The following SRBD1 variants were observed in gnomAD, a reference collection of about 807,000 sequenced individuals.
SRBD1 encodes the protein S1 RNA-binding domain-containing protein 1.
SRBD1 carries 88 observed loss-of-function variants against 115.3 expected under a neutral mutation model. The ratio of observed to expected loss-of-function variants is 0.76; its 90% CI spans 0.64 to 0.91. SRBD1 has a LOEUF of 0.91. Ranked by LOEUF, SRBD1 falls within the 40% of genes least tolerant of loss-of-function variation. SRBD1 has a pLI of 0.00. For synonymous variants in SRBD1, 509 were observed against 407.7 expected (o/e 1.25, Z -2.99); for missense variants, 1,385 against 1,177.4 (o/e 1.18, Z -2.58).
At chr2:45,464,136 G>A (rs942340810) in intron 16 of SRBD1, among the ~76,000 whole-genome samples, 4 of 151,350 alleles carry the variant, frequency 2.6e-5, no homozygotes, top group Non-Finnish European at 5.9e-5. Context: ...AAGAAATGGA[G>A]ATGTATGCTA....
intron 14 of SRBD1, 86 bp from the exon 15 acceptor site, chr2:45,488,417 G>GA (rs67396287): frequency 0.15 from 121,467 of 801,520 alleles, 2,215 homozygotes; most frequent in South Asian, 0.18. Context: ...GGCATTACCA[G>GA]AAAAAAAAAA....
At chr2:45,419,974 G>C in intron 16 of SRBD1, 80 bp from the exon 17 acceptor site, 2 of 1,253,358 alleles carry the variant, frequency 1.6e-6, no homozygotes, top group Non-Finnish European at 2.3e-6. Flanking sequence ...TATATTACTG[G>C]TGGTTAGCTA....
At chr2:45,434,811 T>C (rs2103686607) in intron 16 of SRBD1, among the ~76,000 whole-genome samples, 1 of 152,160 alleles carries the variant, frequency 6.6e-6, no homozygotes, top group Admixed American at 6.5e-5. Flanking sequence ...TGGGCACATG[T>C]GCACAATGTG....
intron 14 of SRBD1, among the ~76,000 whole-genome samples, chr2:45,538,015 G>C (rs148062593): frequency 6.6e-6 from 1 of 152,294 alleles, no homozygotes; most frequent in African/African-American, 2.4e-5. Flanking sequence ...AGCCAAATGG[G>C]CCTGCAGGAA....
At chr2:45,504,280 T>C (rs184387344) in intron 14 of SRBD1, among the ~76,000 whole-genome samples, 4 of 152,288 alleles carry the variant, frequency 2.6e-5, no homozygotes, top group Admixed American at 2.6e-4. Context: ...TCCAAAGTGA[T>C]GCCAGAGGAT....
chr2:45,390,895 AT>A (rs1666978498), intron 20 of SRBD1, among the ~76,000 whole-genome samples: 2 of 152,212 alleles, frequency 1.3e-5, no homozygotes, highest in Non-Finnish European at 1.5e-5. Flanking sequence ...ATTCTGTGGA[AT>A]TTTACCTGAT....
At chr2:45,604,238 A>G (rs1188520598) in intron 2 of SRBD1, among the ~76,000 whole-genome samples, 1 of 151,976 alleles carries the variant, frequency 6.6e-6, no homozygotes, top group Non-Finnish European at 1.5e-5. Flanking sequence ...TAACATCCCA[A>G]CCCAAAACCT....
At chr2:45,495,517 T>C (rs1247193459) in intron 14 of SRBD1, among the ~76,000 whole-genome samples, 3 of 152,046 alleles carry the variant, frequency 2.0e-5, no homozygotes, top group South Asian at 2.1e-4. Context: ...TGCTTTTCTC[T>C]TTCAAAATCC....
chr2:45,485,477 T>G (rs910729789), intron 15 of SRBD1, among the ~76,000 whole-genome samples: 1 of 152,220 alleles, frequency 6.6e-6, no homozygotes, highest in African/African-American at 2.4e-5. Context: ...AGAGAAGGAA[T>G]AAAACATACA....
intron 15 of SRBD1, among the ~76,000 whole-genome samples, chr2:45,481,404 A>T (rs1240386494): frequency 1.3e-5 from 2 of 152,042 alleles, no homozygotes; most frequent in Admixed American, 1.3e-4. Context: ...AGGAAAAGGG[A>T]GTCTAATGAA....
intron 4 of SRBD1, among the ~76,000 whole-genome samples, chr2:45,593,808 C>T (rs780224334): frequency 1.3e-5 from 2 of 152,118 alleles, no homozygotes; most frequent in Non-Finnish European, 2.9e-5. Flanking sequence ...CTACTACACA[C>T]ACAAGTTTCC....
intron 15 of SRBD1, among the ~76,000 whole-genome samples, chr2:45,487,374 G>A (rs1670152929): frequency 6.6e-6 from 1 of 152,060 alleles, no homozygotes; most frequent in African/African-American, 2.4e-5. Flanking sequence ...TTACACACAA[G>A]ATTTTGACTC....
At chr2:45,549,767 G>T (rs961840174) in intron 12 of SRBD1, among the ~76,000 whole-genome samples, 1 of 151,730 alleles carries the variant, frequency 6.6e-6, no homozygotes, top group Admixed American at 6.6e-5. Context: ...GGAGGCTGAG[G>T]TGGGAGGATA....
chr2:45,461,626 C>T (rs567611115), intron 16 of SRBD1, among the ~76,000 whole-genome samples: 78 of 152,164 alleles, frequency 5.1e-4, no homozygotes, highest in African/African-American at 1.3e-3. Flanking sequence ...TAACTGACGC[C>T]GCCCCTACTT....
chr2:45,579,881 C>G lies in SRBD1; in HGVS notation c.1066G>C (p.Val356Leu). The change falls in exon 7 of 21, where the codon GTT becomes CTT. Residue 356 changes from valine (V) to leucine (L), a missense_variant. Coordinates refer to ENST00000263736, the MANE Select transcript of SRBD1 (RefSeq NM_018079.5). The stretch of plus-strand genomic sequence containing the variant: ...CTGTAAATAAAGCCAGTACCTTTAA[C>G]GTCAGGCCTAATGTACGATAGCAGA... ...LSLLSYIRPD[V>L]KGLSTLQDIE... 6.4e-7 allele frequency: 1 copy of G among 1,574,744 alleles called. No homozygotes were observed. Among genetic ancestry groups the G allele is most frequent in the Non-Finnish European group, 8.6e-7 (1 of 1,165,646 alleles).
intron 16 of SRBD1, among the ~76,000 whole-genome samples, chr2:45,427,545 G>T (rs1437051726): frequency 6.6e-6 from 1 of 152,178 alleles, no homozygotes; most frequent in Admixed American, 6.5e-5. Context: ...TTACAAAATG[G>T]TAAAGGGATC....
intron 14 of SRBD1, among the ~76,000 whole-genome samples, chr2:45,533,044 G>A (rs532501218): frequency 2.6e-5 from 4 of 151,940 alleles, no homozygotes; most frequent in Non-Finnish European, 5.9e-5. Flanking sequence ...ATAAGAAACT[G>A]AATACATTTT....
intron 1 of SRBD1, among the ~76,000 whole-genome samples, chr2:45,608,297 A>T (rs1386869211): frequency 2.0e-5 from 3 of 152,220 alleles, no homozygotes; most frequent in Non-Finnish European, 4.4e-5. Flanking sequence ...TAAAAATATC[A>T]ATGTAAAAGG....
At chr2:45,526,470 TGGG>T (rs1174969024) in intron 14 of SRBD1, among the ~76,000 whole-genome samples, 2 of 151,882 alleles carry the variant, frequency 1.3e-5, no homozygotes, top group East Asian at 3.9e-4. Flanking sequence ...AATGCGGTGA[TGGG>T]AGAGAAGGGA....
Sources: allele counts gnomAD v4.1 joint callset (sites outside exome capture counted in the v4.1 genomes callset), GRCh38; gene constraint gnomAD v4.1.1; transcripts MANE v1.5; gene names NCBI Gene and HGNC (gene_info 2026-07-23, HGNC 2026-07-21).